The following KDM7A variants were observed in gnomAD, a reference collection of about 807,000 sequenced individuals.
The protein encoded by KDM7A is lysine demethylase 7A.
A neutral mutation model predicts 114.8 loss-of-function variants in KDM7A; 28 were observed. The observed-to-expected ratio is 0.24, with a 90% CI of 0.18 to 0.33. The LOEUF (loss-of-function observed/expected upper bound fraction) is 0.33. Among genes scored for constraint, KDM7A ranks in the 10% least tolerant of loss-of-function variants. The pLI is 1.00. For missense variants in KDM7A, 942 were observed against 1,142.5 expected, an observed-to-expected ratio of 0.82 and a Z score of 2.53; for synonymous variants, 423 against 397.8, an observed-to-expected ratio of 1.06 and a Z score of -0.75.
In KDM7A at chr7:140,152,324, T is replaced by A. The variant is rs142249704; in HGVS notation, c.195-13134A>T. On this transcript the variant is annotated intron_variant, in intron 1 of 19. Transcript: ENST00000397560. Reference sequence around the variant, plus strand: ...GAAATTTATATATGACCCAGAGACCTCAAAGAATTTTAATACATGGCCAGA... The same window carrying A: ...GAAATTTATATATGACCCAGAGACCACAAAGAATTTTAATACATGGCCAGA... Among the ~76,000 whole-genome samples, 161 of 152,214 alleles carry A rather than the reference T, an allele frequency of 1.1e-3. 1 individual carries two copies. Among genetic ancestry groups the A allele is most frequent in the Non-Finnish European group, 5.4e-4 (37 of 68,002 alleles).
At position 140,085,035 on chromosome 7, in the gene KDM7A, C is replaced by T. The variant is rs972241176; in HGVS notation, c.*6059G>A. ...AAATAAATACTGTACACTTTCCCTGCCTGCAGGCAAAAGATGGGAAATACT... is the reference window on the plus strand; with the variant it reads ...AAATAAATACTGTACACTTTCCCTGTCTGCAGGCAAAAGATGGGAAATACT... On this transcript the variant is annotated 3_prime_UTR_variant, in exon 20 of 20. Transcript: ENST00000397560. 6.6e-6 allele frequency: 1 copy of T among 152,164 alleles called. No homozygotes were observed. The highest frequency in any genetic ancestry group is 1.5e-5 in the Non-Finnish European group (1 of 68,034). 9.4% of individuals were successfully genotyped at this position (152,164 alleles called of 1,614,324 possible). A position where few individuals can be genotyped will look rare whatever the true frequency, so the allele number is the denominator to read the frequency against.
intron 19 of KDM7A, 60 bp from the exon 20 acceptor site, chr7:140,091,248 G>A (rs1488516833): frequency 3.6e-6 from 4 of 1,112,806 alleles, no homozygotes; most frequent in Admixed American, 3.4e-5. Context: ...GAGAGCACCT[G>A]GAAGACTACG....
intron 2 of KDM7A, among the ~76,000 whole-genome samples, chr7:140,138,265 A>G (rs1447781735): frequency 6.6e-6 from 1 of 152,034 alleles, no homozygotes; most frequent in African/African-American, 2.4e-5. Flanking sequence ...CTATGATAGC[A>G]CCACTACACT....
At chr7:140,158,027 T>C (rs533414364) in intron 1 of KDM7A, among the ~76,000 whole-genome samples, 38 of 150,942 alleles carry the variant, frequency 2.5e-4, no homozygotes, top group Middle Eastern at 7.0e-3. Flanking sequence ...AATTGAAATG[T>C]TGAAGCAGGT....
chr7:140,144,315 T>C (rs2116827647), intron 1 of KDM7A, among the ~76,000 whole-genome samples: 1 of 152,292 alleles, frequency 6.6e-6, no homozygotes, highest in South Asian at 2.1e-4. Context: ...AAGAATGTGT[T>C]TGGACCTCTA....
chr7:140,153,262 C>T (rs931738486), intron 1 of KDM7A, among the ~76,000 whole-genome samples: 4 of 151,048 alleles, frequency 2.6e-5, no homozygotes, highest in South Asian at 2.1e-4. Context: ...CCGAGGCGGG[C>T]GGATCACGAG....
intron 3 of KDM7A, 51 bp from the exon 4 acceptor site, chr7:140,129,704 T>G: frequency 1.6e-6 from 2 of 1,223,892 alleles, no homozygotes; most frequent in Non-Finnish European, 2.4e-6. Flanking sequence ...TAAGGTCAGT[T>G]TAAAAAAAAT....
chr7:140,115,164 G>A (rs1344593116), intron 9 of KDM7A, among the ~76,000 whole-genome samples: 3 of 150,634 alleles, frequency 2.0e-5, no homozygotes, highest in East Asian at 4.1e-4. Context: ...GCCCCATCAG[G>A]GAGGGAGGTG....
intron 9 of KDM7A, among the ~76,000 whole-genome samples, chr7:140,117,038 A>G (rs1191764142): frequency 6.6e-6 from 1 of 152,242 alleles, no homozygotes; most frequent in Non-Finnish European, 1.5e-5. Flanking sequence ...TTGGGGTCAC[A>G]AGACCACTAT....
chr7:140,166,526 C>T (rs13230173), intron 1 of KDM7A, among the ~76,000 whole-genome samples: 2,177 of 151,668 alleles, frequency 0.014, 31 homozygotes, highest in Non-Finnish European at 0.019. Flanking sequence ...TTTTTGTAGA[C>T]GGAGGCTCGT....
chr7:140,099,713 G>A (rs1015647086), intron 13 of KDM7A, among the ~76,000 whole-genome samples, 186 bp downstream of exon 13: 4 of 152,184 alleles, frequency 2.6e-5, no homozygotes, highest in African/African-American at 7.2e-5. Context: ...CACTCCTTAT[G>A]AGAATCTAAT....
chr7:140,107,466 G>C (rs1222655284), intron 11 of KDM7A, among the ~76,000 whole-genome samples: 3 of 152,028 alleles, frequency 2.0e-5, no homozygotes, highest in Admixed American at 1.3e-4. Flanking sequence ...AGGCAGGCCT[G>C]GTGGTGACAA....
At chr7:140,142,009 A>T (rs2116824503) in intron 1 of KDM7A, among the ~76,000 whole-genome samples, 1 of 147,852 alleles carries the variant, frequency 6.8e-6, no homozygotes, top group South Asian at 2.1e-4. Flanking sequence ...AATGATATTT[A>T]TATATAATAT....
At chr7:140,126,476 G>A (rs1474706656) in intron 6 of KDM7A, among the ~76,000 whole-genome samples, 161 bp downstream of exon 6, 1 of 143,020 alleles carries the variant, frequency 7.0e-6, no homozygotes, top group African/African-American at 2.6e-5. Context: ...AAAAAAAATC[G>A]TAACGTTTAA....
intron 3 of KDM7A, 55 bp downstream of exon 3, chr7:140,133,484 T>A (rs144101686): frequency 9.6e-7 from 1 of 1,038,820 alleles, no homozygotes; most frequent in Admixed American, 1.8e-5. Flanking sequence ...TGTCACTCTA[T>A]GAGACGACAT....
intron 1 of KDM7A, among the ~76,000 whole-genome samples, chr7:140,146,827 C>G (rs941064821): frequency 1.4e-4 from 22 of 152,148 alleles, no homozygotes; most frequent in African/African-American, 5.3e-4. Flanking sequence ...TTGATGAGAA[C>G]TGAATTGAAT....
chr7:140,134,051 T>C (rs1216719705), intron 2 of KDM7A, among the ~76,000 whole-genome samples: 1 of 152,220 alleles, frequency 6.6e-6, no homozygotes, highest in East Asian at 1.9e-4. Flanking sequence ...CAGGGCCTTT[T>C]ATCTCACATT....
At chr7:140,092,271 G>A in intron 18 of KDM7A, 194 bp from the exon 19 acceptor site, 1 of 586,056 alleles carries the variant, frequency 1.7e-6, no homozygotes, top group Non-Finnish European at 3.0e-6. Flanking sequence ...GGGTCTTTAA[G>A]TTGCATCGTT....
At position 140,176,918 on chromosome 7, in the gene KDM7A, G is replaced by T. The variant is rs1465519693; in HGVS notation, c.20C>A (p.Ala7Glu). 8.7e-6 allele frequency: 10 copies of T among 1,154,232 alleles called. No individual in the cohort carries two copies. Among genetic ancestry groups the T allele is most frequent in the African/African-American group, 1.7e-5 (1 of 60,248 alleles). The allele number at this position is 1,154,232 out of a possible 1,614,324, so 71.5% of individuals were successfully genotyped here. A position where few individuals can be genotyped will look rare whatever the true frequency, so the allele number is the denominator to read the frequency against. MAGAAA[A>E]VAAGAAAGAA... ...TCCAGCTGCTGCTCCCGCGGCCACC[G>T]CCGCCGCCGCTCCGGCCATCTTTAA... is the stretch of plus-strand genomic sequence containing the variant. Residue 7 changes from alanine (A) to glutamate (E), a missense_variant, in exon 1 of 20, where the codon GCG (alanine) becomes GAG (glutamate). Around this residue, in one of 4 missense-constraint regions of KDM7A, gnomAD observed 112 missense variants for 96.2 expected, o/e 1.16. Coordinates refer to ENST00000397560, the MANE Select transcript of KDM7A (RefSeq NM_030647.2). The surrounding 1 kb of genome is among the most constrained non-coding windows in gnomAD (Gnocchi z 4.4).
Sources: allele counts gnomAD v4.1 joint callset (sites outside exome capture counted in the v4.1 genomes callset), GRCh38; gene constraint gnomAD v4.1.1; regional missense constraint gnomAD v4.1.1; non-coding constraint Gnocchi (gnomAD v3.1); transcripts MANE v1.5; gene names NCBI Gene and HGNC (gene_info 2026-07-23, HGNC 2026-07-21).